Variants in RAD50 observed in about 807,000 individuals in gnomAD.
The protein encoded by RAD50 is DNA repair protein RAD50.
In RAD50, 132 loss-of-function variants were observed where a neutral mutation model predicts 168.8. That is an observed-to-expected ratio of 0.78 (90% confidence interval 0.68 to 0.90). The LOEUF (loss-of-function observed/expected upper bound fraction) is 0.90, where lower values mean the gene tolerates loss of function less well. Ranked by LOEUF, RAD50 falls within the 40% of genes least tolerant of loss-of-function variation. RAD50 has a pLI of 0.00. For synonymous variants in RAD50, 525 were observed against 497.4 expected (o/e 1.06, Z -0.74); for missense variants, 1,347 against 1,534.4 (o/e 0.88, Z 2.04).
At chr5:132,608,832 ATAG>A in intron 17 of RAD50, 107 bp downstream of exon 17, 1 of 1,443,038 alleles carries the variant, frequency 6.9e-7, no homozygotes. Context: ...CATAAGATAA[ATAG>A]TATTTTCAGA....
At chr5:132,567,406 T>C (rs1195484451) in intron 2 of RAD50, among the ~76,000 whole-genome samples, 1 of 152,248 alleles carries the variant, frequency 6.6e-6, no homozygotes, top group African/African-American at 2.4e-5. Flanking sequence ...GGGAACACTT[T>C]GTAAACTTTG....
intron 5 of RAD50, among the ~76,000 whole-genome samples, chr5:132,581,884 C>T (rs1580988815): frequency 1.3e-5 from 2 of 152,142 alleles, no homozygotes; most frequent in East Asian, 3.9e-4. Flanking sequence ...CTTCTTTCCC[C>T]CTTGCCCCAC....
Position 132,638,103 on chromosome 5 carries a change from G to T in RAD50, c.3498G>T (p.Arg1166=), listed in dbSNP as rs2149863474. ...RGQDIEYIEI[R]SDADENVSAS... is the part of the protein sequence containing the mutation. Reference sequence around the variant, plus strand: ...CAGATATTGAATACATAGAAATACGGTCTGATGCCGATGAAAATGTATCAG... The same window carrying T: ...CAGATATTGAATACATAGAAATACGTTCTGATGCCGATGAAAATGTATCAG... Residue 1166 remains arginine (R), a synonymous_variant, in exon 23 of 25, where the codon CGG becomes CGT. Transcript: ENST00000378823. 1 of 1,614,082 alleles carries T rather than the reference G, an allele frequency of 6.2e-7. No homozygotes were observed. Among genetic ancestry groups the T allele is most frequent in the East Asian group, 2.2e-5 (1 of 44,884 alleles).
rs758063640 is a variant in RAD50 at position 132,595,585 on chromosome 5, G to C, written c.1982G>C (p.Gly661Ala). 4 of 1,611,174 alleles carry C rather than the reference G, an allele frequency of 2.5e-6. No individual in the cohort carries two copies. The highest frequency in any genetic ancestry group is 3.4e-6 in the Non-Finnish European group (4 of 1,177,560). ...TTTCTTAAAATAGCCATGCTGGCTG[G>C]AGCCACAGCAGTTTACTCCCAGTTC... ...KSSKQRAMLAGATAVYSQFIT... is the reference protein window; with the variant it reads ...KSSKQRAMLAAATAVYSQFIT... Residue 661 changes from glycine (G) to alanine (A), a missense_variant, in exon 13 of 25, where the codon GGA becomes GCA. Coordinates refer to ENST00000378823, the MANE Select transcript of RAD50 (RefSeq NM_005732.4).
chr5:132,566,420 A>T (rs1248925751), intron 2 of RAD50, among the ~76,000 whole-genome samples: 1 of 152,184 alleles, frequency 6.6e-6, no homozygotes, highest in Non-Finnish European at 1.5e-5. Flanking sequence ...TCTCCTTATG[A>T]TGAAATGACA....
intron 21 of RAD50, among the ~76,000 whole-genome samples, chr5:132,633,098 C>CTTTT (rs34616055): frequency 3.3e-4 from 37 of 113,036 alleles, no homozygotes; most frequent in African/African-American, 3.6e-4. Flanking sequence ...TTCGTTTTTT[C>CTTTT]TTTTTTTTTT....
intron 3 of RAD50, among the ~76,000 whole-genome samples, chr5:132,578,057 C>T (rs1423404977): frequency 6.6e-6 from 1 of 152,146 alleles, no homozygotes; most frequent in African/African-American, 2.4e-5. Context: ...TCGTGATCCG[C>T]CCACCTCAGC....
intron 15 of RAD50, among the ~76,000 whole-genome samples, chr5:132,604,336 G>C (rs1457489206): frequency 1.3e-5 from 2 of 151,314 alleles, no homozygotes; most frequent in African/African-American, 4.9e-5. Flanking sequence ...TGCAATCTTG[G>C]CTCACTGCAA....
At chr5:132,570,935 C>T (rs543712640) in intron 2 of RAD50, among the ~76,000 whole-genome samples, 2 of 152,278 alleles carry the variant, frequency 1.3e-5, no homozygotes, top group African/African-American at 4.8e-5. Context: ...TCTTCTTTCG[C>T]TTAAACACTT....
intron 1 of RAD50, 36 bp downstream of exon 1, chr5:132,557,489 G>A (rs774752269): frequency 6.2e-7 from 1 of 1,613,342 alleles, no homozygotes; most frequent in South Asian, 1.1e-5. Flanking sequence ...TTTACAGGTC[G>A]CTACATCTTT....
chr5:132,642,328 A>G lies in RAD50; in HGVS notation c.3903A>G (p.Lys1301=). 1.2e-6 allele frequency: 2 copies of G among 1,614,116 alleles called. No individual in the cohort carries two copies. Among genetic ancestry groups the G allele is most frequent in the Non-Finnish European group, 1.7e-6 (2 of 1,179,976 alleles). ...TCGATCAGTGCTCAGAGATTGTGAA[A>G]TGCAGTGTTAGCTCCCTGGGATTCA... is the stretch of plus-strand genomic sequence containing the variant. The part of the protein sequence containing the change: ...KNIDQCSEIV[K]CSVSSLGFNV... Residue 1301 remains lysine (K), a synonymous_variant, in exon 25 of 25, where the codon AAA becomes AAG. Transcript: ENST00000378823.
At position 132,638,369 on chromosome 5, in the gene RAD50, T is replaced by G. The variant is rs550753425; in HGVS notation, c.3618+146T>G. The G allele has an allele frequency of 5.3e-6, 5 of 943,392 alleles. No individual in the cohort carries two copies. The East Asian group carries it at 1.0e-4, about 20-fold the overall frequency. 58.4% of individuals were successfully genotyped at this position (943,392 alleles called of 1,614,324 possible). A position where few individuals can be genotyped will look rare whatever the true frequency, so the allele number is the denominator to read the frequency against. On this transcript the variant is annotated intron_variant, in intron 23 of 24. Coordinates refer to ENST00000378823, the MANE Select transcript of RAD50 (RefSeq NM_005732.4). ...TATAAAATGAATCAGGCTCAGCTAC[T>G]ATTATTACACTCTCCTGAAGCTAAC...
At chr5:132,579,570 T>G (rs1750467842) in intron 4 of RAD50, 68 bp downstream of exon 4, 2 of 1,495,146 alleles carry the variant, frequency 1.3e-6, no homozygotes, top group South Asian at 2.3e-5. Context: ...TTTGGATGCT[T>G]CTTTTTAACA....
At chr5:132,598,716 C>T (rs1322229941) in intron 13 of RAD50, among the ~76,000 whole-genome samples, 5 of 152,206 alleles carry the variant, frequency 3.3e-5, no homozygotes, top group African/African-American at 1.2e-4. Context: ...CACATGGCCT[C>T]TGCATGCGTC....
At chr5:132,637,675 G>A (rs1469637189) in intron 22 of RAD50, among the ~76,000 whole-genome samples, 1 of 152,056 alleles carries the variant, frequency 6.6e-6, no homozygotes, top group Admixed American at 6.6e-5. Flanking sequence ...TGGAATTACA[G>A]GTGCGCGCTC....
chr5:132,614,089 A>G (rs1482024269), intron 19 of RAD50, among the ~76,000 whole-genome samples: 1 of 152,234 alleles, frequency 6.6e-6, no homozygotes, highest in African/African-American at 2.4e-5. Flanking sequence ...CAAAACTAGA[A>G]GAATAATGGA....
Position 132,557,151 on chromosome 5 carries a change from T to A in RAD50, c.-174T>A. ...AGGAAAGGCTCCATCCCCCGCCCCC[T>A]CTCTCCCGCTGTTGGCTGGCAGGAT... On this transcript the variant is annotated 5_prime_UTR_variant, in exon 1 of 25. Transcript: ENST00000378823. The A allele has an allele frequency of 1.1e-6, 1 of 876,914 alleles. No homozygotes were observed. Among genetic ancestry groups the A allele is most frequent in the Non-Finnish European group, 1.8e-6 (1 of 552,798 alleles). 54.3% of individuals were successfully genotyped at this position (876,914 alleles called of 1,614,324 possible).
chr5:132,641,860 G>A (rs904727997), intron 24 of RAD50: 7 of 306,654 alleles, frequency 2.3e-5, no homozygotes, highest in African/African-American at 1.5e-4. Context: ...TGGATATTAA[G>A]GAAAACTCAA....
At chr5:132,594,020 G>A (rs923837166) in intron 11 of RAD50, among the ~76,000 whole-genome samples, 1 of 152,174 alleles carries the variant, frequency 6.6e-6, no homozygotes, top group Non-Finnish European at 1.5e-5. Flanking sequence ...TGGCACTTAG[G>A]TCACTGGTGA....
Sources: gnomAD v4.1 joint callset for allele counts (sites outside exome capture counted in the v4.1 genomes callset) on GRCh38, gnomAD v4.1.1 for gene constraint, MANE v1.5 for transcripts, NCBI Gene and HGNC (gene_info 2026-07-23, HGNC 2026-07-21) for gene names.